Variants in MGMT observed in about 807,000 individuals in gnomAD.
MGMT encodes O-6-methylguanine-DNA methyltransferase.
MGMT carries 14 observed loss-of-function variants against 15.9 expected under a neutral mutation model. That is an observed-to-expected ratio of 0.88 (90% CI 0.58 to 1.37). The LOEUF (loss-of-function observed/expected upper bound fraction) is 1.37, where lower values mean the gene tolerates loss of function less well. MGMT is among the 40% of genes most tolerant of loss of function. The pLI, the probability that MGMT is intolerant of heterozygous loss-of-function variation, is 0.00. For synonymous variants in MGMT, 130 were observed against 118.2 expected (o/e 1.10, Z -0.65); for missense variants, 282 against 268.1 (o/e 1.05, Z -0.36).
At chr10:129,534,643 G>C (rs1044928936) in intron 1 of MGMT, among the ~76,000 whole-genome samples, 4 of 151,944 alleles carry the variant, frequency 2.6e-5, no homozygotes, top group African/African-American at 9.7e-5. Flanking sequence ...GTAAGACACA[G>C]AAAGGAAAGA....
intron 1 of MGMT, among the ~76,000 whole-genome samples, chr10:129,468,068 G>GGGGTCACCAC (rs1554900588): frequency 6.6e-6 from 1 of 151,864 alleles, no homozygotes; most frequent in African/African-American, 2.4e-5. Context: ...TTGGTCCAGA[G>GGGGTCACCAC]AGCTGTTCTC....
Position 129,591,773 on chromosome 10 carries a change from T to C in MGMT, c.125+55396T>C, listed in dbSNP as rs561239083. Among the ~76,000 whole-genome samples the C allele has an allele frequency of 1.1e-4, 17 of 152,042 alleles. 1 individual carries two copies. The South Asian group carries it at 3.3e-3, about 30-fold the overall frequency. On this transcript the variant is annotated intron_variant, in intron 2 of 4. Transcript: ENST00000651593. ...AGTGAAACCCTATCTCTTCTAAAAA[T>C]ACAAAAAATTAGCCAGGCATGGTGG...
chr10:129,517,000 G>T (rs917056629), intron 1 of MGMT, among the ~76,000 whole-genome samples: 1 of 152,230 alleles, frequency 6.6e-6, no homozygotes, highest in East Asian at 1.9e-4. Flanking sequence ...TGCGGTTGGT[G>T]GTGGGGCTCC....
intron 2 of MGMT, among the ~76,000 whole-genome samples, chr10:129,617,965 G>C (rs1847047483): frequency 6.6e-6 from 1 of 152,036 alleles, no homozygotes; most frequent in South Asian, 2.1e-4. Context: ...TGAACTTGCT[G>C]TGAGGACCCC....
intron 1 of MGMT, among the ~76,000 whole-genome samples, chr10:129,524,839 C>T (rs1845851792): frequency 6.6e-6 from 1 of 152,066 alleles, no homozygotes; most frequent in Non-Finnish European, 1.5e-5. Context: ...ATCCACACGC[C>T]TCGGCCTCCC....
chr10:129,695,556 A>G (rs1564764204), intron 2 of MGMT, among the ~76,000 whole-genome samples: 2 of 152,234 alleles, frequency 1.3e-5, no homozygotes, highest in African/African-American at 4.8e-5. Context: ...ATTACGATAT[A>G]TTCTCTTGCT....
At chr10:129,551,079 G>A (rs530771191) in intron 2 of MGMT, among the ~76,000 whole-genome samples, 2 of 152,336 alleles carry the variant, frequency 1.3e-5, no homozygotes, top group Admixed American at 6.5e-5. Flanking sequence ...GCCCAGAGGT[G>A]CAGGGCAGCT....
intron 3 of MGMT, among the ~76,000 whole-genome samples, chr10:129,719,562 G>A (rs544601174): frequency 5.4e-4 from 82 of 152,236 alleles, no homozygotes; most frequent in African/African-American, 1.7e-3. Context: ...GCAGATGGCC[G>A]TCTCCTTGCT....
rs550361368 is a variant in MGMT at position 129,572,359 on chromosome 10, T to C, written c.125+35982T>C. Among the ~76,000 whole-genome samples, 3 of 152,358 alleles carry C rather than the reference T, an allele frequency of 2.0e-5. No homozygotes were observed. The East Asian group carries it at 5.8e-4, about 29-fold the overall frequency. ...ATTAACACTGAATACATTAAGGTTA[T>C]TTTTCAAACAGGTTATAGTTCAGAG... On this transcript the variant is annotated intron_variant, in intron 2 of 4. Coordinates refer to ENST00000651593, the MANE Select transcript of MGMT (RefSeq NM_002412.5).
At chr10:129,735,591 G>A (rs566656842) in intron 3 of MGMT, among the ~76,000 whole-genome samples, 2,260 of 145,258 alleles carry the variant, frequency 0.016, 53 homozygotes, top group African/African-American at 0.054. Context: ...GTTATTTCTT[G>A]CCTTCTGCTA....
intron 1 of MGMT, among the ~76,000 whole-genome samples, chr10:129,492,786 A>G (rs761648371): frequency 3.9e-5 from 6 of 152,146 alleles, no homozygotes; most frequent in Middle Eastern, 3.2e-3. Flanking sequence ...CGAGTTTTGT[A>G]ATTTTTCTGA....
At position 129,471,772 on chromosome 10, in the gene MGMT, GGCCT is replaced by G. The variant is rs1173670359; in HGVS notation, c.-13+4477_-13+4480del. 3.3e-5 allele frequency among the ~76,000 whole-genome samples: 5 copies of G among 152,248 alleles called. No individual in the cohort carries two copies. The East Asian group carries it at 9.7e-4, about 29-fold the overall frequency. ...CTAATGCTTGAGCACCTCTAGGGAA[GGCCT>G]TAGGATCCTCTGGGAAGTAGCACTC... On this transcript the variant is annotated intron_variant, in intron 1 of 4. Transcript: ENST00000651593.
intron 2 of MGMT, among the ~76,000 whole-genome samples, chr10:129,698,347 G>A (rs75644017): frequency 0.09 from 13,617 of 150,978 alleles, 911 homozygotes; most frequent in Admixed American, 0.18. Context: ...ATAGATCGAC[G>A]TGGCTTCTTC....
chr10:129,536,519 A>G (rs1589855433), intron 2 of MGMT, 142 bp downstream of exon 2: 1 of 1,089,118 alleles, frequency 9.2e-7, no homozygotes, highest in South Asian at 1.8e-5. Flanking sequence ...CCGTCTCTCA[A>G]AACAGTGTGC....
At chr10:129,751,540 T>C (rs571272554) in intron 3 of MGMT, among the ~76,000 whole-genome samples, 2 of 151,328 alleles carry the variant, frequency 1.3e-5, no homozygotes, top group African/African-American at 4.9e-5. Flanking sequence ...GCCTTTATTA[T>C]TTCCTTTCTG....
intron 2 of MGMT, among the ~76,000 whole-genome samples, chr10:129,582,093 G>A (rs1017750233): frequency 6.6e-6 from 1 of 152,202 alleles, no homozygotes; most frequent in African/African-American, 2.4e-5. Context: ...TTGCTTACAA[G>A]TGCTCCTTTT....
chr10:129,550,671 C>G (rs567435925), intron 2 of MGMT, among the ~76,000 whole-genome samples: 1 of 152,120 alleles, frequency 6.6e-6, no homozygotes. Flanking sequence ...GTCTCGATCT[C>G]CTGACCTCAG....
intron 1 of MGMT, among the ~76,000 whole-genome samples, chr10:129,507,434 C>T (rs1191992451): frequency 6.6e-6 from 1 of 151,992 alleles, no homozygotes; most frequent in Admixed American, 6.5e-5. Context: ...CCTACAGCAT[C>T]AGAGCAGGCT....
At chr10:129,657,674 A>AACACACACACACACACACACAC (rs60284981) in intron 2 of MGMT, among the ~76,000 whole-genome samples, 3 of 93,458 alleles carry the variant, frequency 3.2e-5, no homozygotes, top group African/African-American at 3.6e-5. Context: ...CAGCTCCTCC[A>AACACACACACACACACACACAC]ACACACACAC....
Sources: allele counts gnomAD v4.1 joint callset (sites outside exome capture counted in the v4.1 genomes callset), GRCh38; gene constraint gnomAD v4.1.1; transcripts MANE v1.5; gene names NCBI Gene and HGNC (gene_info 2026-07-23, HGNC 2026-07-21).